Variants in LRP12 observed in about 807,000 individuals in gnomAD.
The protein encoded by LRP12 is LDL receptor related protein 12.
Under a neutral mutation model 66.0 loss-of-function variants are expected in LRP12, and 14 were observed. The observed-to-expected ratio is 0.21, with a 90% CI of 0.14 to 0.33. LRP12 has a LOEUF of 0.33. LRP12 is among the 10% of genes least tolerant of loss of function. LRP12 has a pLI of 1.00. For missense variants in LRP12, 889 were observed against 1,053.4 expected (o/e 0.84, Z 2.16); for synonymous variants, 357 against 359.1 (o/e 0.99, Z 0.07).
chr8:104,554,531 C>A (rs1415636874), intron 1 of LRP12, among the ~76,000 whole-genome samples: 10 of 151,842 alleles, frequency 6.6e-5, no homozygotes, highest in Admixed American at 6.6e-4. Flanking sequence ...AACTTCAGAG[C>A]TTGAAGACAA....
At chr8:104,557,452 T>C (rs1052483647) in intron 1 of LRP12, among the ~76,000 whole-genome samples, 1 of 151,818 alleles carries the variant, frequency 6.6e-6, no homozygotes, top group East Asian at 1.9e-4. Context: ...AAATTTAATC[T>C]ACACAAATCA....
chr8:104,507,323 C>T (rs757069224), intron 3 of LRP12: 26 of 152,122 alleles, frequency 1.7e-4, no homozygotes, highest in Non-Finnish European at 2.9e-4. Context: ...GGAAATTTTC[C>T]TTTAGCTGTA....
At chr8:104,583,984 A>C (rs910716906) in intron 1 of LRP12, among the ~76,000 whole-genome samples, 13 of 152,090 alleles carry the variant, frequency 8.5e-5, no homozygotes, top group African/African-American at 3.1e-4. Context: ...CAGTATTGAA[A>C]TAATATATTT....
intron 3 of LRP12, chr8:104,504,618 C>T (rs1206640209): frequency 6.6e-6 from 1 of 152,026 alleles, no homozygotes; most frequent in Non-Finnish European, 1.5e-5. Flanking sequence ...ATTTTAATTG[C>T]ATTGTGGTAA....
chr8:104,521,915 A>G (rs1426481316), intron 2 of LRP12, among the ~76,000 whole-genome samples: 1 of 151,938 alleles, frequency 6.6e-6, no homozygotes, highest in Non-Finnish European at 1.5e-5. Flanking sequence ...ATTACATAGG[A>G]AAGGTGCAAA....
At chr8:104,554,902 A>G (rs1811781738) in intron 1 of LRP12, among the ~76,000 whole-genome samples, 1 of 152,160 alleles carries the variant, frequency 6.6e-6, no homozygotes, top group Admixed American at 6.5e-5. Context: ...ATAAAGTAAA[A>G]CCTATCAGAT....
chr8:104,490,879 A>G lies in LRP12; in HGVS notation c.2374T>C (p.Ser792Pro). Residue 792 changes from serine to proline, a missense_variant, in exon 7 of 7, where the codon TCC (serine) becomes CCC (proline). Around this residue, in one of 3 missense-constraint regions of LRP12, gnomAD observed 800 missense variants for 964.5 expected, o/e 0.83. Coordinates refer to ENST00000276654, the MANE Select transcript of LRP12 (RefSeq NM_013437.5). The part of the protein sequence containing the change: ...GSSDFDVNDC[S>P]RPLLDLASDQ... ...GAGGCAAGATCAAGAAGAGGTCTGGAGCAGTCATTCACATCAAAGTCTGAA... is the reference window on the plus strand; with the variant it reads ...GAGGCAAGATCAAGAAGAGGTCTGGGGCAGTCATTCACATCAAAGTCTGAA... The G allele has an allele frequency of 1.2e-6, 2 of 1,614,142 alleles. No individual in the cohort carries two copies. Among genetic ancestry groups the G allele is most frequent in the Non-Finnish European group, 1.7e-6 (2 of 1,180,018 alleles).
chr8:104,512,232 G>T (rs1193067886), intron 2 of LRP12, among the ~76,000 whole-genome samples: 1 of 152,182 alleles, frequency 6.6e-6, no homozygotes, highest in East Asian at 1.9e-4. Flanking sequence ...CAGGAGAATT[G>T]CTTGAACCTG....
intron 1 of LRP12, among the ~76,000 whole-genome samples, chr8:104,582,832 A>T (rs1473973720): frequency 1.3e-5 from 2 of 152,120 alleles, no homozygotes; most frequent in Non-Finnish European, 2.9e-5. Flanking sequence ...GAATTGAGGG[A>T]ACAAAAATCA....
At chr8:104,548,337 A>AT (rs1391882535) in intron 1 of LRP12, among the ~76,000 whole-genome samples, 2 of 8,352 alleles carry the variant, frequency 2.4e-4, no homozygotes, top group Non-Finnish European at 3.3e-4. Context: ...TATATTATAT[A>AT]AATATATAAA....
intron 1 of LRP12, among the ~76,000 whole-genome samples, chr8:104,583,372 TC>T (rs1369123122): frequency 1.3e-5 from 2 of 152,160 alleles, no homozygotes; most frequent in African/African-American, 4.8e-5. Flanking sequence ...TCTTTCCTGA[TC>T]CTGGGCCTTT....
intron 1 of LRP12, among the ~76,000 whole-genome samples, chr8:104,552,835 C>G (rs893472409): frequency 6.6e-6 from 1 of 152,088 alleles, no homozygotes; most frequent in African/African-American, 2.4e-5. Context: ...AGAAACATAC[C>G]AAGAAAGCCT....
chr8:104,547,771 T>A (rs1811617063), intron 1 of LRP12, among the ~76,000 whole-genome samples: 1 of 122,260 alleles, frequency 8.2e-6, no homozygotes, highest in South Asian at 2.4e-4. Context: ...AATTCTATAT[T>A]ATATTTTGTA....
chr8:104,560,932 A>T (rs1275782496), intron 1 of LRP12, among the ~76,000 whole-genome samples: 6 of 152,094 alleles, frequency 3.9e-5, no homozygotes, highest in Non-Finnish European at 8.8e-5. Context: ...TAGAAGGCCC[A>T]TATTTTGTGG....
intron 2 of LRP12, among the ~76,000 whole-genome samples, chr8:104,513,956 G>A (rs140263014): frequency 1.2e-3 from 187 of 152,204 alleles, no homozygotes; most frequent in Middle Eastern, 3.4e-3. Context: ...TCCCAAATCC[G>A]TCTTCAGAAT....
At position 104,497,581 on chromosome 8, in the gene LRP12, T is replaced by C; in HGVS notation, c.971A>G (p.Asn324Ser). The change falls in exon 5 of 7, where the codon AAT becomes AGT. Residue 324 changes from asparagine (N) to serine (S), a missense_variant. Asn to Ser is a conservative substitution (Grantham distance 46, BLOSUM62 1). Around this residue, in one of 3 missense-constraint regions of LRP12, gnomAD observed 800 missense variants for 964.5 expected, o/e 0.83. Coordinates refer to ENST00000276654, the MANE Select transcript of LRP12 (RefSeq NM_013437.5). This position sits in a 1 kb window ranked among gnomAD's most constrained non-coding sequence, Gnocchi z 4.3. ...YVKIYDGLEE[N>S]PHKLLRVLTA... is the part of the protein sequence containing the mutation. ...CAACACACGCAAAAGCTTGTGTGGA[T>C]TCTCCTCTAATCCATCATATATTTT... 6.2e-7 allele frequency: 1 copy of C among 1,613,732 alleles called. No individual in the cohort carries two copies. Among genetic ancestry groups the C allele is most frequent in the Non-Finnish European group, 8.5e-7 (1 of 1,179,862 alleles).
chr8:104,532,373 TAAA>T (rs34023849), intron 1 of LRP12, among the ~76,000 whole-genome samples: 3 of 131,090 alleles, frequency 2.3e-5, no homozygotes, highest in Admixed American at 7.8e-5. Context: ...TGTTGGTACT[TAAA>T]AAAAAAAAAA....
chr8:104,569,423 T>C (rs1420378714), intron 1 of LRP12, among the ~76,000 whole-genome samples: 1 of 152,102 alleles, frequency 6.6e-6, no homozygotes, highest in Non-Finnish European at 1.5e-5. Flanking sequence ...TCATTTAAAA[T>C]TGTTATTTTT....
intron 2 of LRP12, among the ~76,000 whole-genome samples, chr8:104,516,089 T>C (rs1057494023): frequency 6.6e-6 from 1 of 152,122 alleles, no homozygotes; most frequent in Non-Finnish European, 1.5e-5. Context: ...ATCATCTAAT[T>C]TACGTTGGTG....
Sources: allele counts gnomAD v4.1 joint callset (sites outside exome capture counted in the v4.1 genomes callset), GRCh38; gene constraint gnomAD v4.1.1; regional missense constraint gnomAD v4.1.1; non-coding constraint Gnocchi (gnomAD v3.1); transcripts MANE v1.5; gene names NCBI Gene and HGNC (gene_info 2026-07-23, HGNC 2026-07-21).